The following SMC1A variants were observed in gnomAD, a reference collection of about 807,000 sequenced individuals.
SMC1A encodes structural maintenance of chromosomes 1A.
A neutral mutation model predicts 94.5 loss-of-function variants in SMC1A; 4 were observed. The observed-to-expected ratio is 0.04, with a 90% CI of 0.02 to 0.10. The LOEUF is 0.10. Among genes scored for constraint, SMC1A ranks in the 10% least tolerant of loss-of-function variants. The pLI is 1.00. For missense variants in SMC1A, 304 were observed against 989.0 expected (o/e 0.31, Z 9.29); for synonymous variants, 345 against 347.7 (o/e 0.99, Z 0.09).
At chrX:53,385,614 T>C (rs138296149) in intron 19 of SMC1A, among the ~76,000 whole-genome samples, 196 of 110,485 alleles carry the variant, frequency 1.8e-3, no homozygotes, top group African/African-American at 6.1e-3. Flanking sequence ...AGCTACACAA[T>C]AGTGTATCTA....
At chrX:53,384,341 G>A (rs1556886261) in intron 19 of SMC1A, among the ~76,000 whole-genome samples, 2 of 105,178 alleles carry the variant, frequency 1.9e-5, no homozygotes, top group Non-Finnish European at 3.9e-5. Context: ...TCTGGTCATT[G>A]CAAGCTCCAC....
intron 22 of SMC1A, chrX:53,381,921 G>A: frequency 2.7e-6 from 1 of 370,497 alleles, no homozygotes; most frequent in South Asian, 3.6e-5. Flanking sequence ...GTGAAGGGGT[G>A]AAAGGTGATG....
intron 22 of SMC1A, 131 bp downstream of exon 22, chrX:53,382,101 G>T: frequency 1.2e-6 from 1 of 812,295 alleles, no homozygotes; most frequent in Non-Finnish European, 1.8e-6. Flanking sequence ...GCAGTAGATA[G>T]TGAAACAGGG....
intron 15 of SMC1A, among the ~76,000 whole-genome samples, chrX:53,401,693 T>C (rs1427892350): frequency 9.0e-6 from 1 of 110,911 alleles, no homozygotes; most frequent in Non-Finnish European, 1.9e-5. Flanking sequence ...CTCTCAGGGA[T>C]ATATACCCAT....
rs781857094 is a variant in SMC1A at position 53,405,524 on chromosome X, C to T, written c.1880G>A (p.Arg627His). ...LVCDNVEDAR[R>H]IAFGGHQRHK... ...GCGCTGGTGGCCTCCAAAGGCAATGCGGCGGGCATCTTCCACGTTGTCACA... is the reference window on the plus strand; with the variant it reads ...GCGCTGGTGGCCTCCAAAGGCAATGTGGCGGGCATCTTCCACGTTGTCACA... Residue 627 changes from arginine (R) to histidine (H), a missense_variant, in exon 11 of 25, where the codon CGC (arginine) becomes CAC (histidine). By Grantham distance (29) the Arg-to-His change is conservative. Transcript: ENST00000322213. The T allele has an allele frequency of 2.5e-6, 3 of 1,212,102 alleles. No individual in the cohort carries two copies. The highest frequency in any genetic ancestry group is 3.3e-6 in the Non-Finnish European group (3 of 895,623).
At chrX:53,385,684 G>A (rs782325364) in intron 19 of SMC1A, among the ~76,000 whole-genome samples, 4 of 110,956 alleles carry the variant, frequency 3.6e-5, no homozygotes, top group South Asian at 3.8e-4. Flanking sequence ...AACATATAAC[G>A]GCAAGAAAAA....
intron 1 of SMC1A, among the ~76,000 whole-genome samples, chrX:53,422,252 G>C (rs1300829328): frequency 1.8e-5 from 2 of 112,315 alleles, no homozygotes; most frequent in African/African-American, 6.5e-5. Context: ...TGGCAGCTCG[G>C]CCTGTACCAC....
chrX:53,394,827 C>T lies in SMC1A; in HGVS notation c.2924G>A (p.Arg975Gln), dbSNP rs2075645015. The T allele has an allele frequency of 8.3e-7, 1 of 1,199,993 alleles. No homozygotes were observed. The highest frequency in any genetic ancestry group is 1.1e-6 in the Non-Finnish European group (1 of 888,301). The change falls in exon 19 of 25, where the codon CGA becomes CAA. Residue 975 changes from arginine (R) to glutamine (Q), a missense_variant. Arg to Gln is a conservative substitution (Grantham distance 43). Coordinates refer to ENST00000322213, the MANE Select transcript of SMC1A (RefSeq NM_006306.4). ...GSQRISSIYAREALIEIDYGD... is the reference protein window; with the variant it reads ...GSQRISSIYAQEALIEIDYGD... Reference sequence around the variant, plus strand: ...GTAGTCAATCTCAATGAGGGCCTCTCGTGCATAGATACTGGAAATTCTCTG... The same window carrying T: ...GTAGTCAATCTCAATGAGGGCCTCTTGTGCATAGATACTGGAAATTCTCTG...
At chrX:53,406,914 T>C (rs1433785346) in intron 9 of SMC1A, among the ~76,000 whole-genome samples, 1 of 111,721 alleles carries the variant, frequency 9.0e-6, no homozygotes, top group Non-Finnish European at 1.9e-5. Flanking sequence ...GCCAGGCTGA[T>C]CTCAAACCCC....
chrX:53,398,194 A>AC (rs2075658969), intron 16 of SMC1A, among the ~76,000 whole-genome samples: 1 of 109,594 alleles, frequency 9.1e-6, no homozygotes, highest in East Asian at 2.8e-4. Context: ...AAAAAAAAAA[A>AC]AAAAAAAGAT....
intron 3 of SMC1A, among the ~76,000 whole-genome samples, chrX:53,414,073 C>G (rs1317251559): frequency 3.3e-4 from 4 of 11,960 alleles, no homozygotes; most frequent in African/African-American, 1.1e-3. Context: ...GAAACTCCGT[C>G]TCAAAAAAAA....
intron 19 of SMC1A, among the ~76,000 whole-genome samples, chrX:53,384,016 G>C (rs146657336): frequency 8.9e-6 from 1 of 111,859 alleles, no homozygotes; most frequent in African/African-American, 3.2e-5. Context: ...TCAGGAGATT[G>C]ATAGTTCTTG....
chrX:53,395,886 T>C (rs1211570967), intron 18 of SMC1A, among the ~76,000 whole-genome samples: 1 of 110,948 alleles, frequency 9.0e-6, no homozygotes. Context: ...CAATTCCCAC[T>C]CCTACCAATT....
At chrX:53,410,205 ATG>A (rs1198312885) in intron 7 of SMC1A, among the ~76,000 whole-genome samples, 2 of 111,727 alleles carry the variant, frequency 1.8e-5, no homozygotes, top group Non-Finnish European at 3.8e-5. Flanking sequence ...CTTAATAGTT[ATG>A]TGAGTGGCCG....
intron 15 of SMC1A, among the ~76,000 whole-genome samples, chrX:53,402,868 CAA>C (rs151144282): frequency 9.9e-5 from 1 of 10,076 alleles, no homozygotes; most frequent in Non-Finnish European, 1.3e-4. Flanking sequence ...GACTCTGTCT[CAA>C]AAAAAAAAAA....
chrX:53,405,452 C>G, intron 11 of SMC1A, 41 bp downstream of exon 11: 3 of 1,211,150 alleles, frequency 2.5e-6, no homozygotes, highest in Non-Finnish European at 3.4e-6. Flanking sequence ...ATCTCCAGTA[C>G]TGAGCCTGTC....
chrX:53,398,698 G>A (rs997265458), intron 16 of SMC1A, among the ~76,000 whole-genome samples: 15 of 111,488 alleles, frequency 1.3e-4, no homozygotes, highest in African/African-American at 4.2e-4. Flanking sequence ...AAGGGTCTGT[G>A]TATTACTAAA....
chrX:53,384,163 A>G (rs1316883918), intron 19 of SMC1A, among the ~76,000 whole-genome samples: 2 of 111,518 alleles, frequency 1.8e-5, no homozygotes, highest in African/African-American at 6.5e-5. Context: ...TGGTTACCTC[A>G]TCGGGTGATA....
chrX:53,396,655 C>T, intron 16 of SMC1A, 38 bp from the exon 17 acceptor site: 2 of 1,181,037 alleles, frequency 1.7e-6, no homozygotes, highest in Non-Finnish European at 2.3e-6. Flanking sequence ...TAGGTGAAGA[C>T]TTTCCCCATC....
Sources: gnomAD v4.1 joint callset for allele counts (sites outside exome capture counted in the v4.1 genomes callset) on GRCh38, gnomAD v4.1.1 for gene constraint, MANE v1.5 for transcripts, NCBI Gene and HGNC (gene_info 2026-07-23, HGNC 2026-07-21) for gene names.